Variants in KLHL10 observed in about 807,000 individuals in gnomAD.
The protein encoded by KLHL10 is kelch-like protein 10.
In KLHL10, 11 loss-of-function variants were observed where a neutral mutation model predicts 46.6. The observed-to-expected ratio is 0.24, with a 90% CI of 0.15 to 0.39. KLHL10 has a LOEUF of 0.39. Among genes scored for constraint, KLHL10 ranks in the 10% least tolerant of loss-of-function variants. KLHL10 has a pLI of 1.00. For synonymous variants in KLHL10, 254 were observed against 279.1 expected, an observed-to-expected ratio of 0.91 and a Z score of 0.90; for missense variants, 475 against 789.8, an observed-to-expected ratio of 0.60 and a Z score of 4.78.
At chr17:41,838,227 G>C (rs533393491) in intron 1 of KLHL10, 101 bp downstream of exon 1, 1 of 1,072,012 alleles carries the variant, frequency 9.3e-7, no homozygotes, top group South Asian at 1.3e-5. Context: ...TAACTTTAGG[G>C]ACACTGTCAA....
chr17:41,841,604 C>T (rs11079017), intron 1 of KLHL10, among the ~76,000 whole-genome samples: 7 of 152,146 alleles, frequency 4.6e-5, no homozygotes, highest in African/African-American at 1.7e-4. Context: ...TGAGCCACCA[C>T]GCCTGGCCCA....
chr17:41,847,195 C>A, intron 3 of KLHL10, 66 bp from the exon 4 acceptor site: 1 of 1,458,538 alleles, frequency 6.9e-7, no homozygotes, highest in Non-Finnish European at 9.6e-7. Context: ...ACTACCACCA[C>A]ACACATATCC....
rs371552751 is a variant in KLHL10 at position 41,842,265 on chromosome 17, C to A, written c.637C>A (p.His213Asn). ...VFEAILKWIS[H>N]DPQNRKQHIS... ...TGAGGCCATTTTAAAGTGGATTTCTCATGACCCCCAAAATAGAAAGCAGCA... is the reference window on the plus strand; with the variant it reads ...TGAGGCCATTTTAAAGTGGATTTCTAATGACCCCCAAAATAGAAAGCAGCA... The change falls in exon 2 of 5, where the codon CAT (histidine) becomes AAT (asparagine). Residue 213 changes from histidine to asparagine, a missense_variant. Transcript: ENST00000293303. 6.8e-6 allele frequency: 11 copies of A among 1,614,018 alleles called. No homozygotes were observed. Among genetic ancestry groups the A allele is most frequent in the Non-Finnish European group, 9.3e-6 (11 of 1,180,034 alleles).
chr17:41,838,802 C>T (rs968424736), intron 1 of KLHL10, among the ~76,000 whole-genome samples: 1 of 151,428 alleles, frequency 6.6e-6, no homozygotes, highest in Non-Finnish European at 1.5e-5. Context: ...CATTCTCCCA[C>T]CTCAGCCTCT....
intron 3 of KLHL10, among the ~76,000 whole-genome samples, chr17:41,846,913 G>A (rs955413483): frequency 3.3e-5 from 5 of 152,128 alleles, no homozygotes; most frequent in African/African-American, 9.7e-5. Flanking sequence ...TCAGGAGTTC[G>A]AGACCAGCCT....
rs2048308236 is a variant in KLHL10 at position 41,848,047 on chromosome 17, G to C, written c.1567G>C (p.Glu523Gln). The C allele has an allele frequency of 6.2e-7, 1 of 1,614,182 alleles. No individual in the cohort carries two copies. Among genetic ancestry groups the C allele is most frequent in the Non-Finnish European group, 8.5e-7 (1 of 1,180,034 alleles). Residue 523 changes from glutamate (E) to glutamine (Q), a missense_variant, in exon 5 of 5, where the codon GAG (glutamate) becomes CAG (glutamine). Transcript: ENST00000293303. ...MFNPRSNFGI[E>Q]VVDDLLFVVG... ...TAATCCTCGTAGCAATTTTGGCATC[G>C]AGGTGGTGGATGACCTCTTGTTTGT... is the stretch of plus-strand genomic sequence containing the variant.
intron 2 of KLHL10, among the ~76,000 whole-genome samples, chr17:41,844,100 C>T (rs1345732108): frequency 6.6e-6 from 1 of 152,148 alleles, no homozygotes; most frequent in Non-Finnish European, 1.5e-5. Context: ...CACTCTGTCA[C>T]CCAGGCTGGA....
At chr17:41,842,982 G>A (rs2144130510) in intron 2 of KLHL10, among the ~76,000 whole-genome samples, 2 of 151,810 alleles carry the variant, frequency 1.3e-5, no homozygotes, top group East Asian at 3.9e-4. Flanking sequence ...AATTAACCAG[G>A]CTTGGTGGTG....
chr17:41,843,102 G>A (rs1444434477), intron 2 of KLHL10, among the ~76,000 whole-genome samples: 3 of 150,862 alleles, frequency 2.0e-5, no homozygotes, highest in African/African-American at 7.3e-5. Flanking sequence ...GTCCAGCCTG[G>A]GCAATACAGC....
upstream of KLHL10, chr17:41,836,231 A>G (rs782545449): frequency 2.1e-3 from 2,429 of 1,151,072 alleles, 5 homozygotes; most frequent in Admixed American, 3.7e-3. Context: ...CGGGACAACG[A>G]CAGCCCCGCG....
chr17:41,844,809 A>C (rs2048266737), intron 2 of KLHL10, among the ~76,000 whole-genome samples: 1 of 152,094 alleles, frequency 6.6e-6, no homozygotes, highest in South Asian at 2.1e-4. Context: ...TCGGCCTCCC[A>C]AAGTGCTGGG....
chr17:41,836,465 C>T, upstream of KLHL10: 2 of 984,798 alleles, frequency 2.0e-6, no homozygotes, highest in South Asian at 9.4e-5. Context: ...TAGGGTTCTG[C>T]CACTCTTTGT....
chr17:41,844,223 C>G (rs2048257153), intron 2 of KLHL10, among the ~76,000 whole-genome samples: 1 of 145,944 alleles, frequency 6.9e-6, no homozygotes. Context: ...CCATGCCTGG[C>G]TAATTTTTTT....
In KLHL10 at chr17:41,847,380, C is replaced by A. The variant is rs199786173; in HGVS notation, c.1422C>A (p.Gly474=). The change falls in exon 4 of 5, where the codon GGC becomes GGA. Residue 474 remains glycine (G), a synonymous_variant. Transcript: ENST00000293303. Reference sequence around the variant, plus strand: ...TGAGAAGCAGGAGGAGTGGAATAGGCGTGATTGCTTATGGAGAACATGTAT... The same window carrying A: ...TGAGAAGCAGGAGGAGTGGAATAGGAGTGATTGCTTATGGAGAACATGTAT... The part of the protein sequence containing the change: ...APMRSRRSGI[G]VIAYGEHVYA... 3.1e-6 allele frequency: 5 copies of A among 1,613,664 alleles called. No individual in the cohort carries two copies. The highest frequency in any genetic ancestry group is 3.3e-5 in the Admixed American group (2 of 59,946).
chr17:41,846,293 C>T (rs1323139079), intron 3 of KLHL10, among the ~76,000 whole-genome samples: 3 of 151,772 alleles, frequency 2.0e-5, no homozygotes, highest in Non-Finnish European at 2.9e-5. Flanking sequence ...CAAGCCGAGG[C>T]GGGAGGATCA....
At chr17:41,845,779 C>T in intron 3 of KLHL10, 36 bp downstream of exon 3, 1 of 1,613,254 alleles carries the variant, frequency 6.2e-7, no homozygotes, top group South Asian at 1.1e-5. Context: ...GATGTGGATG[C>T]AAAGTACAAG....
intron 2 of KLHL10, among the ~76,000 whole-genome samples, chr17:41,843,836 A>C (rs1471064636): frequency 1.3e-5 from 2 of 152,026 alleles, no homozygotes; most frequent in Non-Finnish European, 2.9e-5. Flanking sequence ...ATCGCGGCTC[A>C]CTGCAACCTC....
chr17:41,845,888 G>C (rs1458076371), intron 3 of KLHL10, 145 bp downstream of exon 3: 3 of 1,044,464 alleles, frequency 2.9e-6, no homozygotes, highest in Non-Finnish European at 4.2e-6. Flanking sequence ...AAGGTGACTA[G>C]TTGCAACTGT....
chr17:41,841,816 T>C lies in KLHL10; in HGVS notation c.195-7T>C. ...TCCGTGGCTGCTAGTTTCTTTCTTT[T>C]TTCCAGAGCTTTGTTTACAAGTGGC... On this transcript the variant is annotated splice_region_variant and splice_polypyrimidine_tract_variant and intron_variant, in intron 1 of 4. Transcript: ENST00000293303. The C allele has an allele frequency of 6.2e-7, 1 of 1,614,232 alleles. No individual in the cohort carries two copies. Among genetic ancestry groups the C allele is most frequent in the South Asian group, 1.1e-5 (1 of 91,076 alleles).
Sources: allele counts gnomAD v4.1 joint callset (sites outside exome capture counted in the v4.1 genomes callset), GRCh38; gene constraint gnomAD v4.1.1; transcripts MANE v1.5; gene names NCBI Gene and HGNC (gene_info 2026-07-23, HGNC 2026-07-21).